Variants in ARHGEF6 observed in about 807,000 individuals in gnomAD.
The protein encoded by ARHGEF6 is Rac/Cdc42 guanine nucleotide exchange factor 6, also known as rho guanine nucleotide exchange factor 6.
ARHGEF6 carries 9 observed loss-of-function variants against 70.3 expected under a neutral mutation model. The ratio of observed to expected loss-of-function variants is 0.13; its 90% confidence interval spans 0.08 to 0.22. The LOEUF (loss-of-function observed/expected upper bound fraction) is 0.22. Among genes scored for constraint, ARHGEF6 ranks in the 10% least tolerant of loss-of-function variants. The pLI is 1.00. For missense variants in ARHGEF6, 470 were observed against 563.0 expected (o/e 0.83, Z 1.67); for synonymous variants, 201 against 207.8 (o/e 0.97, Z 0.28).
At chrX:136,736,695 T>A (rs747042995) in intron 5 of ARHGEF6, among the ~76,000 whole-genome samples, 6 of 110,352 alleles carry the variant, frequency 5.4e-5, no homozygotes, top group Non-Finnish European at 1.1e-4. Context: ...TAGTATTAGG[T>A]GGGTGATTCT....
chrX:136,733,697 G>A (rs145176026), intron 5 of ARHGEF6, among the ~76,000 whole-genome samples: 45 of 112,172 alleles, frequency 4.0e-4, no homozygotes, highest in African/African-American at 1.4e-3. Context: ...TTACAACAAC[G>A]CTGACAGGCA....
rs185038528 is a variant in ARHGEF6, at chrX:136,693,905, G to C, written c.1047-3157C>G. On this transcript the variant is annotated intron_variant, in intron 9 of 21. Transcript: ENST00000250617. ...TGGTCCAAAAGGGGTGGTGAGGCAA[G>C]AGGAGCTGGCTGCCACAGCCTCTGG... Among the ~76,000 whole-genome samples, 4 of 111,817 alleles carry C rather than the reference G, an allele frequency of 3.6e-5. 1 individual carries two copies. The highest frequency in any genetic ancestry group is 9.2e-3 in the Middle Eastern group (2 of 217).
chrX:136,701,908 T>C (rs901498523), intron 9 of ARHGEF6, among the ~76,000 whole-genome samples: 8 of 109,357 alleles, frequency 7.3e-5, no homozygotes, highest in Non-Finnish European at 1.3e-4. Flanking sequence ...AGGGTTTCGC[T>C]GTGTTAGCCA....
chrX:136,729,000 T>TTCTCTCTCTCTC (rs746818580), intron 6 of ARHGEF6, among the ~76,000 whole-genome samples: 1 of 16,075 alleles, frequency 6.2e-5, no homozygotes, highest in Non-Finnish European at 1.0e-4. Context: ...TCCTTATTCA[T>TTCTCTCTCTCTC]TCTCTCTCTC....
Position 136,780,901 on chromosome X carries a change from C to A in ARHGEF6, c.-19G>T, listed in dbSNP as rs767002761. ...GATTCATTACTGAGGACGGTACACT[C>A]CAAACAGCACTCTGGGGCAGCTGCA... On this transcript the variant is annotated 5_prime_UTR_variant, in exon 1 of 22. Transcript: ENST00000250617. 5 of 1,211,210 alleles carry A rather than the reference C, an allele frequency of 4.1e-6. No individual in the cohort carries two copies. In the South Asian group the frequency reaches 8.8e-5, roughly 21 times the overall value.
chrX:136,686,594 GTA>G (rs770923374), intron 11 of ARHGEF6, among the ~76,000 whole-genome samples: 1,774 of 57,016 alleles, frequency 0.031, 40 homozygotes, highest in African/African-American at 0.065. Flanking sequence ...GTATGTGTGT[GTA>G]TATATATATA....
chrX:136,711,118 C>G (rs1341489305), intron 7 of ARHGEF6, among the ~76,000 whole-genome samples: 1 of 111,954 alleles, frequency 8.9e-6, no homozygotes, highest in East Asian at 2.8e-4. Flanking sequence ...AGAGTTTTCT[C>G]AAAGCTAAAA....
intron 9 of ARHGEF6, among the ~76,000 whole-genome samples, chrX:136,700,756 G>GA (rs1458192893): frequency 2.7e-5 from 3 of 111,670 alleles, no homozygotes; most frequent in African/African-American, 6.5e-5. Flanking sequence ...TGAAAGGCAA[G>GA]AAAAAAACAG....
intron 5 of ARHGEF6, among the ~76,000 whole-genome samples, chrX:136,736,279 C>T (rs897254904): frequency 2.7e-5 from 3 of 111,636 alleles, no homozygotes; most frequent in Non-Finnish European, 5.6e-5. Flanking sequence ...TCAAAGAGAA[C>T]GGAAAATTGT....
At chrX:136,743,220 A>G (rs2077062999) in intron 5 of ARHGEF6, among the ~76,000 whole-genome samples, 1 of 111,247 alleles carries the variant, frequency 9.0e-6, no homozygotes, top group Admixed American at 9.5e-5. Flanking sequence ...GGAAGTTAGC[A>G]CATGGCCTCT....
In ARHGEF6 at chrX:136,780,827, G is replaced by C. The variant is rs1343745330; in HGVS notation, c.56C>G (p.Ser19Cys). The change falls in exon 1 of 22, where the codon TCC (serine) becomes TGC (cysteine). Residue 19 changes from serine to cysteine, a missense_variant. Physicochemically the swap from Ser to Cys is moderately radical, Grantham distance 112. Around this residue, in one of 3 missense-constraint regions of ARHGEF6, gnomAD observed 379 missense variants for 449.3 expected, o/e 0.84. Transcript: ENST00000250617. ...CGGATCACAGATGGTCTTTTTAGGG[G>C]ACTCTAAAACTCCCAAAGATATAAG... Reference protein sequence around the residue: ...TWLISLGVLESPKKTICDPEE... With the variant: ...TWLISLGVLECPKKTICDPEE... 1 of 1,210,781 alleles carries C rather than the reference G, an allele frequency of 8.3e-7. No individual in the cohort carries two copies.
intron 2 of ARHGEF6, among the ~76,000 whole-genome samples, chrX:136,759,427 A>G (rs1337565623): frequency 9.0e-6 from 1 of 111,179 alleles, no homozygotes; most frequent in Non-Finnish European, 1.9e-5. Flanking sequence ...ATCACTTGAG[A>G]TCAAGAGTTC....
chrX:136,668,570 G>T (rs925397068), intron 21 of ARHGEF6, among the ~76,000 whole-genome samples: 12 of 105,644 alleles, frequency 1.1e-4, no homozygotes, highest in Admixed American at 8.2e-4. Flanking sequence ...TTATTTAAGA[G>T]ATGGGGTCTC....
rs1177294078 is a variant in ARHGEF6 at position 136,703,785 on chromosome X, G to A, written c.1046+3123C>T. ...GATCCGCCCGCCTTGGCCTCCCAAA[G>A]TGCTGGGATTACAGGCATGAGCCAC... On this transcript the variant is annotated intron_variant, in intron 9 of 21. Transcript: ENST00000250617. 3.5e-5 allele frequency among the ~76,000 whole-genome samples: 4 copies of A among 112,988 alleles called. No individual in the cohort carries two copies. In the East Asian group the frequency reaches 1.1e-3, roughly 31 times the overall value.
At chrX:136,767,766 C>T in intron 2 of ARHGEF6, 1 of 753,655 alleles carries the variant, frequency 1.3e-6, no homozygotes, top group Middle Eastern at 7.6e-4. Flanking sequence ...AGGCACTGGG[C>T]CAGCAGCGGG....
intron 3 of ARHGEF6, among the ~76,000 whole-genome samples, chrX:136,745,549 G>A (rs1031869640): frequency 9.9e-5 from 11 of 111,278 alleles, no homozygotes; most frequent in African/African-American, 1.3e-4. Context: ...ACTGGCCATC[G>A]TGCTCCAGTA....
intron 21 of ARHGEF6, among the ~76,000 whole-genome samples, chrX:136,668,888 T>C (rs1603326204): frequency 9.0e-6 from 1 of 111,338 alleles, no homozygotes; most frequent in East Asian, 2.8e-4. Context: ...AAAATCATAT[T>C]ATCCTCGTCC....
At chrX:136,684,893 T>G (rs2076368655) in intron 12 of ARHGEF6, among the ~76,000 whole-genome samples, 1 of 111,753 alleles carries the variant, frequency 8.9e-6, no homozygotes, top group Non-Finnish European at 1.9e-5. Flanking sequence ...TCCCTCCAGT[T>G]CATTTGACAT....
chrX:136,710,337 AT>A (rs1252510540), intron 7 of ARHGEF6, among the ~76,000 whole-genome samples: 1 of 100,409 alleles, frequency 1.0e-5, no homozygotes, highest in Non-Finnish European at 2.0e-5. Flanking sequence ...ATACATATAT[AT>A]ATATATATAT....
Sources: gnomAD v4.1 joint callset for allele counts (sites outside exome capture counted in the v4.1 genomes callset) on GRCh38, gnomAD v4.1.1 for gene constraint, gnomAD v4.1.1 regional missense constraint, MANE v1.5 for transcripts, NCBI Gene and HGNC (gene_info 2026-07-23, HGNC 2026-07-21) for gene names.